OPN5: variants seen among roughly 807,000 people sequenced by gnomAD.
The protein encoded by OPN5 is opsin 5.
OPN5 carries 18 observed loss-of-function variants against 41.7 expected under a neutral mutation model. That is an observed-to-expected ratio of 0.43 (90% CI 0.30 to 0.64). The LOEUF is 0.64. Ranked by LOEUF, OPN5 falls within the 30% of genes least tolerant of loss-of-function variation. The probability of loss-of-function intolerance (pLI) is 0.13; values close to 1 mark genes in which losing one functional copy is unlikely to be tolerated. For missense variants in OPN5, 318 were observed against 434.5 expected (o/e 0.73, Z 2.38); for synonymous variants, 178 against 164.3 (o/e 1.08, Z -0.64).
chr6:47,801,753 C>A lies in OPN5; in HGVS notation c.756+6190C>A, dbSNP rs1200066329. ...ATACCTATTTTGGGGATTATTTGTT[C>A]ATTTCCCTTTTTTTCTTTGTTACCA... On this transcript the variant is annotated intron_variant, in intron 4 of 6. Transcript: ENST00000371211. Among the ~76,000 whole-genome samples the A allele has an allele frequency of 3.3e-5, 5 of 151,816 alleles. No homozygotes were observed. In the South Asian group the frequency reaches 6.3e-4, roughly 19 times the overall value.
intron 4 of OPN5, among the ~76,000 whole-genome samples, chr6:47,797,564 A>G (rs1307201321): frequency 6.6e-6 from 1 of 152,196 alleles, no homozygotes; most frequent in African/African-American, 2.4e-5. Flanking sequence ...ACCAATGATG[A>G]AAAATTTGCT....
intron 6 of OPN5, among the ~76,000 whole-genome samples, chr6:47,815,806 C>G (rs562123006): frequency 2.0e-5 from 3 of 152,212 alleles, no homozygotes; most frequent in African/African-American, 7.2e-5. Flanking sequence ...CTGTGACCCT[C>G]TATGATTTTT....
chr6:47,782,255 T>A, intron 1 of OPN5, 59 bp downstream of exon 1: 1 of 1,541,788 alleles, frequency 6.5e-7, no homozygotes, highest in Non-Finnish European at 8.9e-7. Flanking sequence ...TGGGCTGATA[T>A]GTTAATTTTG....
chr6:47,782,118 C>G (rs141008387), exon 1 of OPN5: 1 of 1,612,492 alleles, frequency 6.2e-7, no homozygotes, highest in Non-Finnish European at 8.5e-7. Flanking sequence ...GCCCCATTAC[C>G]TTCGAGATGG....
chr6:47,788,417 G>T (rs181742322), intron 2 of OPN5, among the ~76,000 whole-genome samples: 1 of 152,252 alleles, frequency 6.6e-6, no homozygotes, highest in Admixed American at 6.5e-5. Flanking sequence ...TCCTTAATTG[G>T]CCTGGTGCGT....
At chr6:47,797,979 C>A (rs1398659473) in intron 4 of OPN5, among the ~76,000 whole-genome samples, 1 of 152,034 alleles carries the variant, frequency 6.6e-6, no homozygotes, top group Non-Finnish European at 1.5e-5. Flanking sequence ...CAGCATATAC[C>A]ATTTAATTTG....
At chr6:47,819,666 G>T (rs964232292) in intron 6 of OPN5, among the ~76,000 whole-genome samples, 1 of 151,890 alleles carries the variant, frequency 6.6e-6, no homozygotes, top group Non-Finnish European at 1.5e-5. Context: ...ACTTCAGAAT[G>T]GTTGAAATTA....
At chr6:47,810,853 C>A (rs1333233377) in intron 5 of OPN5, among the ~76,000 whole-genome samples, 1 of 152,134 alleles carries the variant, frequency 6.6e-6, no homozygotes, top group African/African-American at 2.4e-5. Context: ...CAGCACTGCT[C>A]CACCCTGGCT....
chr6:47,797,860 A>G (rs989299756), intron 4 of OPN5, among the ~76,000 whole-genome samples: 3 of 152,106 alleles, frequency 2.0e-5, no homozygotes, highest in African/African-American at 7.2e-5. Context: ...TGAACTGCTC[A>G]ACTTGACCCC....
intron 4 of OPN5, among the ~76,000 whole-genome samples, chr6:47,801,909 C>T (rs1388985453): frequency 6.6e-6 from 1 of 152,078 alleles, no homozygotes; most frequent in African/African-American, 2.4e-5. Context: ...GGAAGGATTA[C>T]TTCAGAGCAA....
intron 6 of OPN5, among the ~76,000 whole-genome samples, chr6:47,818,252 A>G (rs1411810805): frequency 1.3e-5 from 2 of 152,200 alleles, no homozygotes; most frequent in Non-Finnish European, 2.9e-5. Flanking sequence ...TTTGTCAGCA[A>G]GCATGTGGGA....
At chr6:47,826,239 T>C (rs1411076790), downstream of OPN5, 1 of 152,110 alleles carries the variant, frequency 6.6e-6, no homozygotes. Flanking sequence ...TCTCTCCCCA[T>C]TATTTTGAGA....
intron 5 of OPN5, among the ~76,000 whole-genome samples, chr6:47,810,499 G>A (rs1267222631): frequency 6.6e-6 from 1 of 152,090 alleles, no homozygotes; most frequent in Non-Finnish European, 1.5e-5. Flanking sequence ...TAGAATTATT[G>A]CACAAACCAG....
At chr6:47,798,140 G>C (rs919229466) in intron 4 of OPN5, among the ~76,000 whole-genome samples, 2 of 151,698 alleles carry the variant, frequency 1.3e-5, no homozygotes, top group Non-Finnish European at 2.9e-5. Context: ...TGATATTATA[G>C]CACATAATAT....
exon 7 of OPN5, chr6:47,824,194 T>C (rs1378133371): frequency 3.4e-6 from 2 of 590,056 alleles, no homozygotes; most frequent in Non-Finnish European, 6.1e-6. Context: ...TATCTCATTC[T>C]GGTATAGTGG....
intron 4 of OPN5, among the ~76,000 whole-genome samples, chr6:47,798,330 A>G (rs1245749545): frequency 6.6e-6 from 1 of 151,860 alleles, no homozygotes; most frequent in Non-Finnish European, 1.5e-5. Flanking sequence ...TCTAGAACTT[A>G]TTATACATAT....
exon 7 of OPN5, chr6:47,823,987 A>C (rs1271386199): frequency 6.5e-7 from 1 of 1,550,274 alleles, no homozygotes; most frequent in South Asian, 1.2e-5. Context: ...CTACAGTGGG[A>C]ATAACAAATG....
intron 4 of OPN5, among the ~76,000 whole-genome samples, chr6:47,804,591 T>C (rs531690474): frequency 5.0e-4 from 76 of 152,322 alleles, no homozygotes; most frequent in Non-Finnish European, 1.0e-3. Flanking sequence ...GTGGAGTATA[T>C]TTTAAAATGG....
At position 47,788,458 on chromosome 6, in the gene OPN5, T is replaced by G. The variant is rs539528855; in HGVS notation, c.250+1824T>G. Among the ~76,000 whole-genome samples, 25 of 152,318 alleles carry G rather than the reference T, an allele frequency of 1.6e-4. No individual in the cohort carries two copies. In the South Asian group the frequency reaches 3.3e-3, roughly 20 times the overall value. On this transcript the variant is annotated intron_variant, in intron 2 of 6. Transcript: ENST00000371211. ...TATGCTCTCAGCCAAGCAAGTCGGCTCTAGAATGGTGCAAACCACCTCATT... is the reference window on the plus strand; with the variant it reads ...TATGCTCTCAGCCAAGCAAGTCGGCGCTAGAATGGTGCAAACCACCTCATT...
Sources: allele counts gnomAD v4.1 joint callset (sites outside exome capture counted in the v4.1 genomes callset), GRCh38; gene constraint gnomAD v4.1.1; transcripts MANE v1.5; gene names NCBI Gene and HGNC (gene_info 2026-07-23, HGNC 2026-07-21).